The following ATP8A2 variants were observed in gnomAD, a reference collection of about 807,000 sequenced individuals.
ATP8A2 encodes the protein ATPase phospholipid transporting 8A2, also known as phospholipid-transporting ATPase IB.
A neutral mutation model predicts 165.6 loss-of-function variants in ATP8A2; 100 were observed. That is an observed-to-expected ratio of 0.60 (90% CI 0.51 to 0.71). The LOEUF (loss-of-function observed/expected upper bound fraction) is 0.71. Among genes scored for constraint, ATP8A2 ranks in the 30% least tolerant of loss-of-function variants. The probability of loss-of-function intolerance (pLI) is 0.00; values close to 1 mark genes in which losing one functional copy is unlikely to be tolerated. For synonymous variants in ATP8A2, 543 were observed against 548.8 expected (o/e 0.99, Z 0.15); for missense variants, 1,227 against 1,479.5 (o/e 0.83, Z 2.80).
chr13:25,408,852 T>A (rs896828817), intron 1 of ATP8A2, among the ~76,000 whole-genome samples: 7 of 152,260 alleles, frequency 4.6e-5, no homozygotes, highest in Non-Finnish European at 7.3e-5. Context: ...AACAATATTA[T>A]GATCCTCTTG....
At chr13:25,736,913 C>A (rs939790210) in intron 25 of ATP8A2, among the ~76,000 whole-genome samples, 1 of 152,098 alleles carries the variant, frequency 6.6e-6, no homozygotes, top group African/African-American at 2.4e-5. Flanking sequence ...AATGAGATAA[C>A]TATCGATTGG....
chr13:25,822,448 A>G (rs1043173322), intron 27 of ATP8A2, among the ~76,000 whole-genome samples: 2 of 152,174 alleles, frequency 1.3e-5, no homozygotes, highest in African/African-American at 4.8e-5. Flanking sequence ...TCCCCAGTTT[A>G]CCAAACTTTT....
intron 33 of ATP8A2, among the ~76,000 whole-genome samples, chr13:25,960,404 C>G (rs1185772769): frequency 6.6e-6 from 1 of 152,184 alleles, no homozygotes; most frequent in Non-Finnish European, 1.5e-5. Context: ...GGGGGTCCCA[C>G]AGGTGGTTAA....
At chr13:25,794,989 C>T (rs547654931) in intron 27 of ATP8A2, among the ~76,000 whole-genome samples, 19 of 151,932 alleles carry the variant, frequency 1.3e-4, no homozygotes, top group Non-Finnish European at 2.2e-4. Context: ...CTCAGCCTCC[C>T]GAGAGTGATC....
intron 15 of ATP8A2, among the ~76,000 whole-genome samples, chr13:25,560,835 C>G (rs1245546420): frequency 2.6e-5 from 4 of 151,970 alleles, no homozygotes; most frequent in Non-Finnish European, 4.4e-5. Flanking sequence ...TTCTGTACCT[C>G]CTTAGGCATA....
intron 1 of ATP8A2, among the ~76,000 whole-genome samples, chr13:25,448,674 G>C (rs1459511582): frequency 6.6e-6 from 1 of 152,118 alleles, no homozygotes; most frequent in African/African-American, 2.4e-5. Flanking sequence ...TTTTGAGACA[G>C]AGTCTCACTC....
At chr13:25,891,259 T>C in intron 33 of ATP8A2, among the ~76,000 whole-genome samples, 1 of 152,218 alleles carries the variant, frequency 6.6e-6, no homozygotes, top group East Asian at 1.9e-4. Flanking sequence ...AACGATCGTG[T>C]TGAAAGTGTG....
intron 24 of ATP8A2, among the ~76,000 whole-genome samples, chr13:25,611,017 A>G (rs1409612098): frequency 2.6e-5 from 4 of 151,802 alleles, no homozygotes; most frequent in Non-Finnish European, 4.4e-5. Context: ...CTTTGCTGAA[A>G]TCATTTGTCA....
At chr13:25,748,472 T>C (rs375634172) in intron 25 of ATP8A2, among the ~76,000 whole-genome samples, 1 of 152,224 alleles carries the variant, frequency 6.6e-6, no homozygotes, top group South Asian at 2.1e-4. Flanking sequence ...AAAAATTTTA[T>C]AAGCATTAAT....
At chr13:25,527,828 A>G (rs2037890163) in intron 2 of ATP8A2, among the ~76,000 whole-genome samples, 1 of 152,184 alleles carries the variant, frequency 6.6e-6, no homozygotes, top group Non-Finnish European at 1.5e-5. Flanking sequence ...GTTCATATAT[A>G]GCTGGGGTAA....
intron 2 of ATP8A2, among the ~76,000 whole-genome samples, chr13:25,520,385 G>A (rs2037623452): frequency 6.6e-6 from 1 of 152,162 alleles, no homozygotes; most frequent in African/African-American, 2.4e-5. Flanking sequence ...GTACTCCATT[G>A]TGTATATATG....
chr13:25,701,242 C>T (rs868047524), intron 25 of ATP8A2, among the ~76,000 whole-genome samples: 3 of 152,142 alleles, frequency 2.0e-5, no homozygotes, highest in African/African-American at 7.2e-5. Flanking sequence ...CTAATGAGCT[C>T]TCTTTTTAAA....
intron 1 of ATP8A2, among the ~76,000 whole-genome samples, chr13:25,427,474 T>A (rs2034483278): frequency 6.6e-6 from 1 of 152,122 alleles, no homozygotes; most frequent in African/African-American, 2.4e-5. Flanking sequence ...ATCCTGAAAC[T>A]ATCCCTCCAC....
intron 17 of ATP8A2, 31 bp downstream of exon 17, chr13:25,570,903 G>A: frequency 2.0e-6 from 3 of 1,535,368 alleles, no homozygotes; most frequent in Non-Finnish European, 1.8e-6. Context: ...CGCCCTGCTG[G>A]CCCCTTCTCA....
intron 2 of ATP8A2, among the ~76,000 whole-genome samples, chr13:25,507,020 ATATCTGTG>A: frequency 6.6e-6 from 1 of 150,682 alleles, no homozygotes; most frequent in Non-Finnish European, 1.5e-5. Flanking sequence ...GTATATCTGT[ATATCTGTG>A]TATCTCTATA....
intron 24 of ATP8A2, among the ~76,000 whole-genome samples, chr13:25,601,412 A>C (rs554011583): frequency 6.6e-6 from 1 of 152,358 alleles, no homozygotes; most frequent in Admixed American, 6.5e-5. Flanking sequence ...TTTTGGGTTT[A>C]GAGAGACCAC....
At chr13:25,393,673 C>T (rs963570174) in intron 1 of ATP8A2, among the ~76,000 whole-genome samples, 1 of 152,196 alleles carries the variant, frequency 6.6e-6, no homozygotes, top group African/African-American at 2.4e-5. Flanking sequence ...GCCTCGGCCT[C>T]CTAAAGTGCT....
In ATP8A2 at chr13:25,997,795, T is replaced by G. The variant is rs180737224; in HGVS notation, c.3378-14736T>G. On this transcript the variant is annotated intron_variant, in intron 35 of 36. Transcript: ENST00000381655. ...CTATTTGTTCTTTTAAGTCTTATATTTCTTGGCTGCGGCTTTCTATTTTTT... is the reference window on the plus strand; with the variant it reads ...CTATTTGTTCTTTTAAGTCTTATATGTCTTGGCTGCGGCTTTCTATTTTTT... Among the ~76,000 whole-genome samples, 7 of 152,326 alleles carry G rather than the reference T, an allele frequency of 4.6e-5. No individual in the cohort carries two copies. The East Asian group carries it at 1.2e-3, about 25-fold the overall frequency.
intron 2 of ATP8A2, among the ~76,000 whole-genome samples, chr13:25,494,772 CCTT>C (rs1415221829): frequency 3.3e-5 from 5 of 152,300 alleles, no homozygotes; most frequent in African/African-American, 1.2e-4. Flanking sequence ...GTTTTGGACA[CCTT>C]CTGTCCGAAT....
Sources: allele counts gnomAD v4.1 joint callset (sites outside exome capture counted in the v4.1 genomes callset), GRCh38; gene constraint gnomAD v4.1.1; transcripts MANE v1.5; gene names NCBI Gene and HGNC (gene_info 2026-07-23, HGNC 2026-07-21).